The following DIAPH3 variants were observed in gnomAD, a reference collection of about 807,000 sequenced individuals.
DIAPH3 encodes diaphanous related formin 3.
In DIAPH3, 117 loss-of-function variants were observed where a neutral mutation model predicts 144.3. The ratio of observed to expected loss-of-function variants is 0.81; its 90% CI spans 0.70 to 0.95. DIAPH3 has a LOEUF of 0.95. DIAPH3 is among the 40% of genes least tolerant of loss of function. The probability of loss-of-function intolerance (pLI) is 0.00; values close to 1 mark genes in which losing one functional copy is unlikely to be tolerated. For missense variants in DIAPH3, 1,421 were observed against 1,412.7 expected, an observed-to-expected ratio of 1.01 and a Z score of -0.09; for synonymous variants, 519 against 488.9, an observed-to-expected ratio of 1.06 and a Z score of -0.81.
intron 4 of DIAPH3, among the ~76,000 whole-genome samples, chr13:60,067,804 T>C (rs2057029972): frequency 6.6e-6 from 1 of 152,182 alleles, no homozygotes; most frequent in Non-Finnish European, 1.5e-5. Context: ...ACACACTTTT[T>C]TGCCTAGCTT....
intron 27 of DIAPH3, among the ~76,000 whole-genome samples, chr13:59,753,029 ACTCTCTGGCAGAAATGATTC>A (rs2037090881): frequency 1.3e-5 from 2 of 152,140 alleles, no homozygotes; most frequent in Non-Finnish European, 1.5e-5. Flanking sequence ...CAAATATTTT[ACTCTCTGGCAGAAATGATTC>A]TGCTTTCCAG....
chr13:59,695,667 G>T (rs1215174238), intron 27 of DIAPH3, among the ~76,000 whole-genome samples: 2 of 152,150 alleles, frequency 1.3e-5, no homozygotes, highest in African/African-American at 4.8e-5. Flanking sequence ...AACCAAGCTG[G>T]ATTAATGGTT....
intron 1 of DIAPH3, among the ~76,000 whole-genome samples, chr13:60,148,819 G>A (rs1951652012): frequency 6.6e-6 from 1 of 152,130 alleles, no homozygotes; most frequent in African/African-American, 2.4e-5. Context: ...TAACTCCACA[G>A]CCTGAGTTCT....
intron 12 of DIAPH3, among the ~76,000 whole-genome samples, chr13:59,987,475 T>TAAAAAAAAAAAAAA (rs201333360): frequency 7.1e-5 from 5 of 70,166 alleles, no homozygotes; most frequent in African/African-American, 1.8e-4. Context: ...TAAAGTATAA[T>TAAAAAAAAAAAAAA]AAAAAAAAAA....
intron 20 of DIAPH3, among the ~76,000 whole-genome samples, chr13:59,910,335 AAGG>A (rs1234917074): frequency 6.6e-6 from 1 of 152,170 alleles, no homozygotes; most frequent in African/African-American, 2.4e-5. Context: ...AGAAAAAAGA[AAGG>A]AGACAGAAAA....
At chr13:60,085,788 G>A (rs916827687) in intron 4 of DIAPH3, among the ~76,000 whole-genome samples, 1 of 152,012 alleles carries the variant, frequency 6.6e-6, no homozygotes, top group Non-Finnish European at 1.5e-5. Context: ...CATGCCTCTT[G>A]TGGCACTTTC....
intron 14 of DIAPH3, among the ~76,000 whole-genome samples, chr13:59,979,527 T>C (rs149477590): frequency 6.6e-6 from 1 of 151,752 alleles, no homozygotes; most frequent in East Asian, 1.9e-4. Flanking sequence ...CAATATTATA[T>C]TCACAACTGT....
At chr13:59,753,786 C>T (rs945496437) in intron 27 of DIAPH3, among the ~76,000 whole-genome samples, 3 of 152,082 alleles carry the variant, frequency 2.0e-5, no homozygotes, top group African/African-American at 7.2e-5. Flanking sequence ...AAATATGGTA[C>T]CTGAAAGCAC....
chr13:59,684,366 G>A (rs1346048071), intron 27 of DIAPH3, among the ~76,000 whole-genome samples: 1 of 152,134 alleles, frequency 6.6e-6, no homozygotes, highest in Non-Finnish European at 1.5e-5. Flanking sequence ...AGTTGCAAAC[G>A]GTACATTTGT....
At chr13:59,802,667 A>ATTATTATTATTATTAT (rs1433627853) in intron 25 of DIAPH3, among the ~76,000 whole-genome samples, 1 of 23,758 alleles carries the variant, frequency 4.2e-5, no homozygotes, top group Non-Finnish European at 7.3e-5. Flanking sequence ...TATTATTATT[A>ATTATTATTATTATTAT]TTTTTTTTTT....
At chr13:60,050,812 A>ATG (rs36084522) in intron 4 of DIAPH3, among the ~76,000 whole-genome samples, 4 of 151,928 alleles carry the variant, frequency 2.6e-5, no homozygotes, top group African/African-American at 9.6e-5. Flanking sequence ...GGCAACAGAC[A>ATG]GAAACAACGT....
chr13:60,027,054 C>T (rs937841542), intron 5 of DIAPH3, among the ~76,000 whole-genome samples: 56 of 152,304 alleles, frequency 3.7e-4, no homozygotes, highest in African/African-American at 1.3e-3. Context: ...ATCCAATTTA[C>T]ATTCTTCTGT....
intron 22 of DIAPH3, among the ~76,000 whole-genome samples, chr13:59,854,915 TTTC>T (rs1286129049): frequency 1.6e-4 from 24 of 152,174 alleles, no homozygotes; most frequent in Admixed American, 1.6e-3. Flanking sequence ...CTGATGTGGT[TTTC>T]TTCTTCATCA....
intron 27 of DIAPH3, among the ~76,000 whole-genome samples, chr13:59,739,013 A>G (rs939535243): frequency 5.9e-5 from 9 of 152,148 alleles, no homozygotes; most frequent in Non-Finnish European, 1.2e-4. Context: ...CAATACAATT[A>G]TATGTATTAA....
intron 25 of DIAPH3, among the ~76,000 whole-genome samples, chr13:59,779,852 A>C (rs571248286): frequency 6.6e-6 from 1 of 152,278 alleles, no homozygotes; most frequent in East Asian, 1.9e-4. Flanking sequence ...TACGCTCTTC[A>C]TTAGGTATAA....
At chr13:59,939,762 G>A (rs1349053900) in intron 17 of DIAPH3, among the ~76,000 whole-genome samples, 2 of 151,966 alleles carry the variant, frequency 1.3e-5, no homozygotes, top group Admixed American at 6.6e-5. Flanking sequence ...GACTTATATT[G>A]ACTAAGGCAA....
At chr13:59,959,936 GA>G (rs764022222) in intron 17 of DIAPH3, among the ~76,000 whole-genome samples, 8 of 152,108 alleles carry the variant, frequency 5.3e-5, no homozygotes, top group Admixed American at 1.3e-4. Context: ...AAATAGATGA[GA>G]AGCTAACCTA....
chr13:59,923,632 AAAGTG>A (rs946656171), intron 18 of DIAPH3, among the ~76,000 whole-genome samples: 2 of 152,122 alleles, frequency 1.3e-5, no homozygotes, highest in Non-Finnish European at 2.9e-5. Context: ...TCCACCCCAA[AAAGTG>A]ACATTAACTC....
At chr13:59,947,863 T>TA (rs2048881889) in intron 17 of DIAPH3, among the ~76,000 whole-genome samples, 1 of 152,000 alleles carries the variant, frequency 6.6e-6, no homozygotes, top group African/African-American at 2.4e-5. Flanking sequence ...GGAATATCAA[T>TA]AAAAAAGGAG....
Sources: gnomAD v4.1 joint callset for allele counts (sites outside exome capture counted in the v4.1 genomes callset) on GRCh38, gnomAD v4.1.1 for gene constraint, MANE v1.5 for transcripts, NCBI Gene and HGNC (gene_info 2026-07-23, HGNC 2026-07-21) for gene names.